Variants in MTRF1 observed in about 807,000 individuals in gnomAD.
MTRF1 encodes the protein peptide chain release factor 1, mitochondrial.
In MTRF1, 51 loss-of-function variants were observed where a neutral mutation model predicts 62.9. That is an observed-to-expected ratio of 0.81 (90% confidence interval 0.65 to 1.02). The LOEUF (loss-of-function observed/expected upper bound fraction) is 1.02, where lower values mean the gene tolerates loss of function less well. Among genes scored for constraint, MTRF1 ranks in the 50% least tolerant of loss-of-function variants. The probability of loss-of-function intolerance (pLI) is 0.00; values close to 1 mark genes in which losing one functional copy is unlikely to be tolerated. For synonymous variants in MTRF1, 158 were observed against 181.9 expected (o/e 0.87, Z 1.06); for missense variants, 446 against 530.0 (o/e 0.84, Z 1.56).
chr13:41,298,396 T>TTCTTTTTC, the MTRF1 span, among the ~76,000 whole-genome samples: 3 of 150,520 alleles, frequency 2.0e-5, no homozygotes, highest in Non-Finnish European at 4.4e-5. Context: ...ATTACGAAGT[T>TTCTTTTTC]ACACTCTCAT....
At position 41,221,209 on chromosome 13, in the gene MTRF1, T is replaced by C. The variant is rs183988121; in HGVS notation, c.1224+2047A>G. Among the ~76,000 whole-genome samples the C allele has an allele frequency of 4.2e-3, 632 of 149,872 alleles. 2 individuals carry two copies. Among genetic ancestry groups the C allele is most frequent in the Middle Eastern group, 6.9e-3 (2 of 290 alleles). On this transcript the variant is annotated intron_variant, in intron 9 of 9. Coordinates refer to ENST00000379480, the MANE Select transcript of MTRF1 (RefSeq NM_004294.4). ...TCTTGCTCTGTCGCCCAGGCTGGAGTGCGGTGGTGCGATCTTGGCTCACTA... is the reference window on the plus strand; with the variant it reads ...TCTTGCTCTGTCGCCCAGGCTGGAGCGCGGTGGTGCGATCTTGGCTCACTA...
the MTRF1 span, among the ~76,000 whole-genome samples, chr13:41,290,336 T>G: frequency 6.6e-6 from 1 of 151,810 alleles, no homozygotes; most frequent in Non-Finnish European, 1.5e-5. Context: ...CCTGACCTCG[T>G]GATCTGCCTG....
chr13:41,231,745 T>C (rs1307181168), intron 7 of MTRF1, among the ~76,000 whole-genome samples: 2 of 151,748 alleles, frequency 1.3e-5, no homozygotes, highest in Non-Finnish European at 2.9e-5. Context: ...ATTTCCAACA[T>C]GAAAGTAAGA....
intron 6 of MTRF1, among the ~76,000 whole-genome samples, chr13:41,239,581 A>G (rs1477764437): frequency 1.3e-5 from 2 of 152,076 alleles, no homozygotes; most frequent in Non-Finnish European, 1.5e-5. Context: ...AAGGTTAGGG[A>G]AAAGAAAAAT....
the MTRF1 span, among the ~76,000 whole-genome samples, chr13:41,299,625 T>C: frequency 6.6e-6 from 1 of 152,220 alleles, no homozygotes; most frequent in Non-Finnish European, 1.5e-5. Context: ...ATTAAGACTT[T>C]CCTTTTGAAT....
intron 7 of MTRF1, among the ~76,000 whole-genome samples, chr13:41,230,877 T>C (rs1388978362): frequency 6.6e-6 from 1 of 151,904 alleles, no homozygotes; most frequent in South Asian, 2.1e-4. Context: ...CATACACTAC[T>C]ACACCCAGCT....
the MTRF1 span, among the ~76,000 whole-genome samples, chr13:41,307,755 G>A: frequency 2.0e-5 from 3 of 152,108 alleles, no homozygotes; most frequent in Non-Finnish European, 1.5e-5. Flanking sequence ...TTCCTGTATA[G>A]CCTGTGGAAC....
chr13:41,292,562 C>T, the MTRF1 span, among the ~76,000 whole-genome samples: 1 of 111,918 alleles, frequency 8.9e-6, no homozygotes, highest in African/African-American at 3.7e-5. Flanking sequence ...GCCTGGGCGA[C>T]AGAGGGAGAT....
At chr13:41,276,753 GA>G in the MTRF1 span, among the ~76,000 whole-genome samples, 4 of 152,188 alleles carry the variant, frequency 2.6e-5, no homozygotes, top group African/African-American at 9.7e-5. Flanking sequence ...CAGGCTGGGG[GA>G]GGAGAGGAGC....
chr13:41,226,541 C>G lies in MTRF1; in HGVS notation c.1016G>C (p.Arg339Thr). Residue 339 changes from arginine (R) to threonine (T), a missense_variant, in exon 8 of 10, where the codon AGA (arginine) becomes ACA (threonine). Arg to Thr is a moderately conservative substitution (Grantham distance 71). Coordinates refer to ENST00000379480, the MANE Select transcript of MTRF1 (RefSeq NM_004294.4). ...TGLVVECQQE[R>T]SQIKNKEIAF... The stretch of plus-strand genomic sequence containing the variant: ...TATTTCTTTATTTTTTATCTGTGAT[C>G]TTTCTTGTTGGCATTCTACTACTAG... 6.2e-7 allele frequency: 1 copy of G among 1,613,840 alleles called. No homozygotes were observed. The highest frequency in any genetic ancestry group is 1.1e-5 in the South Asian group (1 of 91,060).
At chr13:41,231,190 G>A (rs2035491188) in intron 7 of MTRF1, among the ~76,000 whole-genome samples, 1 of 152,218 alleles carries the variant, frequency 6.6e-6, no homozygotes, top group South Asian at 2.1e-4. Context: ...GAAGGAAGGT[G>A]AGACTTAATT....
At chr13:41,237,491 C>G (rs2036842617) in intron 6 of MTRF1, among the ~76,000 whole-genome samples, 1 of 151,922 alleles carries the variant, frequency 6.6e-6, no homozygotes, top group Non-Finnish European at 1.5e-5. Context: ...GCATAGTGCT[C>G]ACACTATGCA....
At chr13:41,249,365 C>A (rs2038721046) in intron 5 of MTRF1, among the ~76,000 whole-genome samples, 1 of 152,024 alleles carries the variant, frequency 6.6e-6, no homozygotes, top group South Asian at 2.1e-4. Context: ...CACAGTGAAA[C>A]CCCGTCTCTA....
chr13:41,217,613 T>C (rs973839542), intron 9 of MTRF1, among the ~76,000 whole-genome samples: 8 of 152,024 alleles, frequency 5.3e-5, no homozygotes, highest in Admixed American at 2.6e-4. Flanking sequence ...TTTTCTCTTA[T>C]TGTACCCTAA....
Position 41,217,180 on chromosome 13 carries a change from G to T in MTRF1, c.1273C>A (p.Leu425Ile). Residue 425 changes from leucine (L) to isoleucine (I), a missense_variant, in exon 10 of 10, where the codon CTT becomes ATT. Leu to Ile is a conservative substitution (Grantham distance 5, BLOSUM62 2). Transcript: ENST00000379480. The part of the protein sequence containing the change: ...KGLDQLIQRL[L>I]QSADEEAIAE... ...ATGGCTTCTTCATCTGCTGATTGAA[G>T]CAGTCTCTGAATTAGCTGATCCAGG... 6.2e-7 allele frequency: 1 copy of T among 1,609,364 alleles called. No homozygotes were observed. The highest frequency in any genetic ancestry group is 1.3e-5 in the African/African-American group (1 of 74,976).
At chr13:41,272,755 G>A in the MTRF1 span, among the ~76,000 whole-genome samples, 1 of 152,098 alleles carries the variant, frequency 6.6e-6, no homozygotes, top group East Asian at 1.9e-4. Context: ...CTGGGTGCGA[G>A]TTCAAACTAC....
intron 2 of MTRF1, among the ~76,000 whole-genome samples, chr13:41,257,319 G>A (rs1213828260): frequency 6.6e-6 from 1 of 152,196 alleles, no homozygotes; most frequent in Admixed American, 6.5e-5. Flanking sequence ...AACGCCTAGA[G>A]GTAGGGCTAC....
the MTRF1 span, among the ~76,000 whole-genome samples, chr13:41,282,528 C>T: frequency 6.6e-6 from 1 of 152,210 alleles, no homozygotes; most frequent in African/African-American, 2.4e-5. Context: ...CATCATTTCC[C>T]TAATTTCCCT....
chr13:41,246,398 A>G (rs2038265065), intron 5 of MTRF1, among the ~76,000 whole-genome samples: 1 of 152,078 alleles, frequency 6.6e-6, no homozygotes, highest in Admixed American at 6.6e-5. Flanking sequence ...CATCTTCCTA[A>G]TGCATTTCTA....
Sources: gnomAD v4.1 joint callset for allele counts (sites outside exome capture counted in the v4.1 genomes callset) on GRCh38, gnomAD v4.1.1 for gene constraint, MANE v1.5 for transcripts, NCBI Gene and HGNC (gene_info 2026-07-23, HGNC 2026-07-21) for gene names.